The following GREB1 variants were observed in gnomAD, a reference collection of about 807,000 sequenced individuals.
The protein encoded by GREB1 is protein GREB1.
In GREB1, 106 loss-of-function variants were observed where a neutral mutation model predicts 200.7. The ratio of observed to expected loss-of-function variants is 0.53; its 90% CI spans 0.45 to 0.62. The LOEUF (loss-of-function observed/expected upper bound fraction) is 0.62, where lower values mean the gene tolerates loss of function less well. Ranked by LOEUF, GREB1 falls within the 20% of genes least tolerant of loss-of-function variation. GREB1 has a pLI of 0.00. For synonymous variants in GREB1, 1,132 were observed against 1,092.4 expected, an observed-to-expected ratio of 1.04 and a Z score of -0.72; for missense variants, 2,243 against 2,556.8, an observed-to-expected ratio of 0.88 and a Z score of 2.65.
intron 18 of GREB1, among the ~76,000 whole-genome samples, chr2:11,611,782 G>A (rs1176227278): frequency 6.6e-6 from 1 of 152,220 alleles, no homozygotes; most frequent in Non-Finnish European, 1.5e-5. Context: ...CTGGCCCATA[G>A]TAGGTTCTCA....
intron 4 of GREB1, among the ~76,000 whole-genome samples, chr2:11,570,931 C>G (rs1368706190): frequency 6.6e-6 from 1 of 152,154 alleles, no homozygotes; most frequent in Non-Finnish European, 1.5e-5. Flanking sequence ...GCCCCACTTC[C>G]TGTCTCACCT....
At chr2:11,596,780 G>A (rs1169160671) in intron 13 of GREB1, among the ~76,000 whole-genome samples, 1 of 128,044 alleles carries the variant, frequency 7.8e-6, no homozygotes, top group Admixed American at 7.7e-5. Flanking sequence ...AGTGAGGGGG[G>A]TGGGGCACTG....
At chr2:11,605,144 C>CTTTTTTTTT (rs3035991) in intron 17 of GREB1, among the ~76,000 whole-genome samples, 637 of 44,810 alleles carry the variant, frequency 0.014, 175 homozygotes, top group East Asian at 0.072. Flanking sequence ...GAGCCTGCTT[C>CTTTTTTTTT]TTTTTTTTTT....
chr2:11,540,202 A>G (rs1674624481), intron 1 of GREB1: 5 of 152,270 alleles, frequency 3.3e-5, no homozygotes, highest in Admixed American at 3.3e-4. Context: ...TGTGTTCAGC[A>G]GAATAATGGC....
rs1470472357 is a variant in GREB1 at position 11,638,634 on chromosome 2, G to GA, written c.5548-33dup. 8 of 1,603,226 alleles carry GA rather than the reference G, an allele frequency of 5.0e-6. 1 individual carries two copies. The highest frequency in any genetic ancestry group is 6.8e-6 in the Non-Finnish European group (8 of 1,174,722). On this transcript the variant is annotated intron_variant, in intron 31 of 32. Transcript: ENST00000381486. ...GTATAATGTTACTGAGCATTTCATA[G>GA]AAAACGGTGCCCTCTCTTGGATTTC...
chr2:11,562,305 G>T (rs1479826941), intron 2 of GREB1, among the ~76,000 whole-genome samples, 158 bp from the exon 3 acceptor site: 1 of 152,224 alleles, frequency 6.6e-6, no homozygotes, highest in Admixed American at 6.5e-5. Context: ...AGCTAGACGT[G>T]CTGAGTGCTT....
chr2:11,485,592 A>T (rs921219211), intron 1 of GREB1, among the ~76,000 whole-genome samples: 1 of 152,184 alleles, frequency 6.6e-6, no homozygotes, highest in Admixed American at 6.5e-5. Context: ...CATTTGAAAC[A>T]TCTGTGTTTC....
chr2:11,504,162 C>T (rs1251411793), intron 1 of GREB1, among the ~76,000 whole-genome samples: 2 of 152,132 alleles, frequency 1.3e-5, no homozygotes, highest in Non-Finnish European at 2.9e-5. Flanking sequence ...TCATAAGTGA[C>T]TAGTGGTCAT....
At chr2:11,566,403 C>T (rs1677655987) in intron 3 of GREB1, 77 bp from the exon 4 acceptor site, 7 of 1,420,364 alleles carry the variant, frequency 4.9e-6, no homozygotes, top group Admixed American at 2.3e-5. Flanking sequence ...AGACCCAGAA[C>T]GTTTCCTCCC....
rs1208996629 is a variant in GREB1 at position 11,634,952 on chromosome 2, C to T, written c.5211-318C>T. ...TTTGTTGCTTTCTTTTTCACCGATG[C>T]GTGAGGTCGTGTTGGTAACGTTTCT... is the stretch of plus-strand genomic sequence containing the variant. On this transcript the variant is annotated intron_variant, in intron 29 of 32. Coordinates refer to ENST00000381486, the MANE Select transcript of GREB1 (RefSeq NM_014668.4). Among the ~76,000 whole-genome samples, 4 of 152,236 alleles carry T rather than the reference C, an allele frequency of 2.6e-5. 1 individual carries two copies. The highest frequency in any genetic ancestry group is 2.0e-4 in the Admixed American group (3 of 15,288).
chr2:11,483,003 G>GGCGCGGGGCT (rs1403899265), intron 1 of GREB1, among the ~76,000 whole-genome samples: 1 of 151,460 alleles, frequency 6.6e-6, no homozygotes, highest in Non-Finnish European at 1.5e-5. Flanking sequence ...GCGGAGCGGG[G>GGCGCGGGGCT]GCGCGGGGCT....
chr2:11,618,956 TG>T (rs756379638), intron 22 of GREB1, 37 bp downstream of exon 22: 20 of 1,445,678 alleles, frequency 1.4e-5, no homozygotes, highest in African/African-American at 4.3e-5. Context: ...AGCCCCGGAC[TG>T]GGGGGGTCCT....
intron 2 of GREB1, among the ~76,000 whole-genome samples, chr2:11,557,896 C>T (rs544890703): frequency 2.0e-5 from 3 of 152,092 alleles, no homozygotes; most frequent in African/African-American, 4.8e-5. Flanking sequence ...TATGGGGAGC[C>T]GAGAAATGGC....
chr2:11,610,121 A>C (rs1193708637), intron 17 of GREB1, among the ~76,000 whole-genome samples: 3 of 152,202 alleles, frequency 2.0e-5, no homozygotes, highest in Admixed American at 6.5e-5. Flanking sequence ...TTTCTGAAGC[A>C]AAAACTGGGA....
intron 7 of GREB1, among the ~76,000 whole-genome samples, chr2:11,581,584 C>T (rs764514892): frequency 3.2e-4 from 48 of 152,156 alleles, no homozygotes; most frequent in Admixed American, 6.5e-4. Flanking sequence ...GAGCTGTGAA[C>T]GGGCGGAGCA....
rs1683726105 is a variant in GREB1 at position 11,618,651 on chromosome 2, T to C, written c.3776T>C (p.Val1259Ala). 6.2e-7 allele frequency: 1 copy of C among 1,613,690 alleles called. No individual in the cohort carries two copies. The highest frequency in any genetic ancestry group is 8.5e-7 in the Non-Finnish European group (1 of 1,179,974). The change falls in exon 22 of 33, where the codon GTC becomes GCC. Residue 1259 changes from valine (V) to alanine (A), a missense_variant. Transcript: ENST00000381486. ...LTKACRQPPIVFLPKLVYDMV... is the reference protein window; with the variant it reads ...LTKACRQPPIAFLPKLVYDMV... ...AAGGCCTGCCGCCAGCCACCCATTGTCTTCTTGCCCAAGCTCGTGTACGAC... is the reference window on the plus strand; with the variant it reads ...AAGGCCTGCCGCCAGCCACCCATTGCCTTCTTGCCCAAGCTCGTGTACGAC...
In GREB1 at chr2:11,634,369, G is replaced by A. The variant is rs1685135731; in HGVS notation, c.5210+20G>A. On this transcript the variant is annotated intron_variant, in intron 29 of 32. Transcript: ENST00000381486. ...GAACCGGTGAGCTCCTGCACCTGGG[G>A]CAGAGGCGGCGGCAGCCCTGGGGGC... 3 of 1,594,384 alleles carry A rather than the reference G, an allele frequency of 1.9e-6. No individual in the cohort carries two copies. Among genetic ancestry groups the A allele is most frequent in the East Asian group, 2.3e-5 (1 of 44,232 alleles).
intron 1 of GREB1, among the ~76,000 whole-genome samples, chr2:11,534,464 AG>A (rs1553345394): frequency 6.6e-6 from 1 of 152,228 alleles, no homozygotes; most frequent in Non-Finnish European, 1.5e-5. Flanking sequence ...CAAGCGTTAT[AG>A]CTGAACTGAC....
intron 9 of GREB1, chr2:11,587,726 C>A: frequency 8.3e-7 from 1 of 1,209,040 alleles, no homozygotes; most frequent in Non-Finnish European, 1.0e-6. Context: ...CACACACACA[C>A]ACACACACAC....
Sources: allele counts gnomAD v4.1 joint callset (sites outside exome capture counted in the v4.1 genomes callset), GRCh38; gene constraint gnomAD v4.1.1; transcripts MANE v1.5; gene names NCBI Gene and HGNC (gene_info 2026-07-23, HGNC 2026-07-21).